PRICKLE1: variants seen among roughly 807,000 people sequenced by gnomAD.
PRICKLE1 encodes the protein prickle planar cell polarity protein 1, also known as prickle-like protein 1.
In PRICKLE1, 14 loss-of-function variants were observed where a neutral mutation model predicts 70.2. The ratio of observed to expected loss-of-function variants is 0.20; its 90% CI spans 0.13 to 0.31. The LOEUF is 0.31. Among genes scored for constraint, PRICKLE1 ranks in the 10% least tolerant of loss-of-function variants. PRICKLE1 has a pLI of 1.00. For synonymous variants in PRICKLE1, 357 were observed against 379.9 expected, an observed-to-expected ratio of 0.94 and a Z score of 0.70; for missense variants, 821 against 1,026.2, an observed-to-expected ratio of 0.80 and a Z score of 2.73.
chr12:42,481,471 A>G (rs1479152234), intron 1 of PRICKLE1, among the ~76,000 whole-genome samples: 1 of 152,238 alleles, frequency 6.6e-6, no homozygotes, highest in East Asian at 1.9e-4. Flanking sequence ...ACCAAAAGCC[A>G]GAACAGATAC....
intron 1 of PRICKLE1, among the ~76,000 whole-genome samples, chr12:42,479,812 G>A (rs59323847): frequency 0.16 from 24,142 of 151,940 alleles, 2,297 homozygotes; most frequent in Admixed American, 0.26. Flanking sequence ...AAAATTAGCC[G>A]GGCATGGTGG....
In PRICKLE1 at chr12:42,472,419, T is replaced by C; in HGVS notation, c.98A>G (p.Tyr33Cys). The part of the protein sequence containing the change: ...DDDSGCALEE[Y>C]AWVPPGLRPE... ...TCTCAGGCCCGGGGGGACCCAGGCG[T>C]ACTCCTCCAATGCACAGCCAGAGTC... The change falls in exon 2 of 8, where the codon TAC becomes TGC. Residue 33 changes from tyrosine to cysteine, a missense_variant. By Grantham distance (194) the Tyr-to-Cys change is radical. Transcript: ENST00000345127. The C allele has an allele frequency of 6.2e-7, 1 of 1,614,102 alleles. No homozygotes were observed. The highest frequency in any genetic ancestry group is 8.5e-7 in the Non-Finnish European group (1 of 1,180,008).
rs574754036 is a variant in PRICKLE1 at position 42,458,883 on chromosome 12, A to G, written c.*926T>C. On this transcript the variant is annotated 3_prime_UTR_variant, in exon 8 of 8. Coordinates refer to ENST00000345127, the MANE Select transcript of PRICKLE1 (RefSeq NM_153026.3). ...TTATACAGTTTACATTGCTTGACCC[A>G]TAAGTAACACTTGTAAGATTAATAG... The G allele has an allele frequency of 1.2e-5, 2 of 169,288 alleles. No individual in the cohort carries two copies. Among genetic ancestry groups the G allele is most frequent in the East Asian group, 1.5e-4 (1 of 6,540 alleles). The allele number at this position is 169,288 out of a possible 1,614,324, so 10.5% of individuals were successfully genotyped here.
intron 1 of PRICKLE1, among the ~76,000 whole-genome samples, chr12:42,478,620 A>G (rs1938666832): frequency 6.6e-6 from 1 of 152,190 alleles, no homozygotes; most frequent in Admixed American, 6.5e-5. Context: ...CTAAAAGCCT[A>G]CTATCAGAGT....
intron 1 of PRICKLE1, among the ~76,000 whole-genome samples, chr12:42,560,766 TCTCACACACACACACACACACACACA>T (rs150006677): frequency 0.16 from 18,611 of 119,318 alleles, 2,851 homozygotes; most frequent in African/African-American, 0.4. Context: ...AAGCCCATCT[TCTCACACACACACACACACACACACA>T]CACACACACA....
At chr12:42,462,115 T>C (rs777367395) in intron 7 of PRICKLE1, among the ~76,000 whole-genome samples, 47 of 152,098 alleles carry the variant, frequency 3.1e-4, no homozygotes, top group Non-Finnish European at 4.9e-4. Context: ...ACTTCATACT[T>C]TTTAAAGGGG....
intron 1 of PRICKLE1, among the ~76,000 whole-genome samples, chr12:42,555,543 C>T (rs1206430125): frequency 1.3e-5 from 2 of 151,856 alleles, no homozygotes; most frequent in African/African-American, 4.8e-5. Context: ...TATTACATAC[C>T]CATAATTAGC....
At chr12:42,515,523 G>A (rs1629471) in intron 1 of PRICKLE1, among the ~76,000 whole-genome samples, 15,893 of 152,118 alleles carry the variant, frequency 0.1, 1,300 homozygotes, top group African/African-American at 0.24. Flanking sequence ...GTGAGCCACC[G>A]TGCCCAGCCC....
intron 1 of PRICKLE1, 116 bp from the exon 2 acceptor site, chr12:42,472,680 A>C (rs1938373389): frequency 8.3e-6 from 7 of 848,306 alleles, no homozygotes; most frequent in Non-Finnish European, 1.3e-5. Flanking sequence ...AGAGAAAGTA[A>C]CCAAATTACT....
At chr12:42,492,176 A>C (rs1191878664) in intron 1 of PRICKLE1, among the ~76,000 whole-genome samples, 2 of 151,906 alleles carry the variant, frequency 1.3e-5, no homozygotes, top group Non-Finnish European at 2.9e-5. Context: ...ATCATAGCTC[A>C]CTGCAGCCTC....
chr12:42,488,318 C>T lies in PRICKLE1; in HGVS notation c.-48-15754G>A, dbSNP rs553280988. On this transcript the variant is annotated intron_variant, in intron 1 of 7. Coordinates refer to ENST00000345127, the MANE Select transcript of PRICKLE1 (RefSeq NM_153026.3). ...AGCTGTGCTGTCTGGAGTCCACAGCCCAAGTTGTGTGGGAGAATATAGGAC... is the reference window on the plus strand; with the variant it reads ...AGCTGTGCTGTCTGGAGTCCACAGCTCAAGTTGTGTGGGAGAATATAGGAC... Among the ~76,000 whole-genome samples, 3 of 152,264 alleles carry T rather than the reference C, an allele frequency of 2.0e-5. No individual in the cohort carries two copies. The East Asian group carries it at 5.8e-4, about 29-fold the overall frequency.
chr12:42,469,432 A>G lies in PRICKLE1; in HGVS notation c.384+18T>C. 1 of 1,613,782 alleles carries G rather than the reference A, an allele frequency of 6.2e-7. No homozygotes were observed. The highest frequency in any genetic ancestry group is 1.7e-5 in the Admixed American group (1 of 60,024). On this transcript the variant is annotated intron_variant, in intron 4 of 7. Transcript: ENST00000345127. ...ACATCACTGCCACAAGCTACGCATC[A>G]GAGAAGGGGCTGCTCACCTGCTCAC...
At chr12:42,529,799 G>C (rs1292088096) in intron 1 of PRICKLE1, among the ~76,000 whole-genome samples, 2 of 152,080 alleles carry the variant, frequency 1.3e-5, no homozygotes, top group Non-Finnish European at 1.5e-5. Flanking sequence ...AGGAGGCTGA[G>C]GCACGAGAAT....
At position 42,481,204 on chromosome 12, in the gene PRICKLE1, A is replaced by T. The variant is rs78563061; in HGVS notation, c.-48-8640T>A. 4.0e-3 allele frequency among the ~76,000 whole-genome samples: 610 copies of T among 152,342 alleles called. 2 individuals carry two copies. The highest frequency in any genetic ancestry group is 0.014 in the African/African-American group (581 of 41,574). ...ATACATATTGAGGTTGTAACTGTAT[A>T]TCAGGTCTGGTATGATTCCTATTAT... On this transcript the variant is annotated intron_variant, in intron 1 of 7. Coordinates refer to ENST00000345127, the MANE Select transcript of PRICKLE1 (RefSeq NM_153026.3).
At chr12:42,489,048 T>C (rs1939041772) in intron 1 of PRICKLE1, among the ~76,000 whole-genome samples, 1 of 151,620 alleles carries the variant, frequency 6.6e-6, no homozygotes, top group Non-Finnish European at 1.5e-5. Flanking sequence ...CTCAGCCTCC[T>C]GAGTAGCTGG....
rs748585713 is a variant in PRICKLE1 at position 42,459,920 on chromosome 12, T to C, written c.2385A>G (p.Thr795=). 1.2e-6 allele frequency: 2 copies of C among 1,614,172 alleles called. No homozygotes were observed. Among genetic ancestry groups the C allele is most frequent in the East Asian group, 2.2e-5 (1 of 44,868 alleles). Residue 795 remains threonine, a synonymous_variant, in exon 8 of 8, where the codon ACA becomes ACG. Coordinates refer to ENST00000345127, the MANE Select transcript of PRICKLE1 (RefSeq NM_153026.3). ...QPRPQRFAYY[T]DDLSSPPSAL... is the part of the protein sequence containing the mutation. ...CAGATGGTGGACTAGAAAGGTCATC[T>C]GTATAGTAGGCAAATCTCTGTGGCC... is the stretch of plus-strand genomic sequence containing the variant.
intron 1 of PRICKLE1, among the ~76,000 whole-genome samples, chr12:42,551,083 T>A (rs1326086962): frequency 6.6e-6 from 1 of 152,242 alleles, no homozygotes; most frequent in Admixed American, 6.5e-5. Context: ...TGTATTTTTT[T>A]AATAATTAAA....
At chr12:42,490,111 A>C (rs1241787308) in intron 1 of PRICKLE1, 2 of 152,232 alleles carry the variant, frequency 1.3e-5, no homozygotes, top group East Asian at 1.9e-4. Context: ...AGAACAAACC[A>C]TGATACATGG....
At position 42,464,313 on chromosome 12, in the gene PRICKLE1, G is replaced by C; in HGVS notation, c.1639+82C>G. ...TGGAATTATAGGCATGAGCCACTGC[G>C]CCTGGCTTGAATTGCAATTTTTTGA... On this transcript the variant is annotated intron_variant, in intron 7 of 7. Transcript: ENST00000345127. This position sits in a 1 kb window ranked among gnomAD's most constrained non-coding sequence, Gnocchi z 4.2. 1 of 1,549,758 alleles carries C rather than the reference G, an allele frequency of 6.5e-7. No individual in the cohort carries two copies. The highest frequency in any genetic ancestry group is 8.9e-7 in the Non-Finnish European group (1 of 1,124,000).
Sources: gnomAD v4.1 joint callset for allele counts (sites outside exome capture counted in the v4.1 genomes callset) on GRCh38, gnomAD v4.1.1 for gene constraint, Gnocchi (gnomAD v3.1) non-coding constraint, MANE v1.5 for transcripts, NCBI Gene and HGNC (gene_info 2026-07-23, HGNC 2026-07-21) for gene names.